Variants in PARK7 observed in about 807,000 individuals in gnomAD.
PARK7 encodes Parkinson disease protein 7.
Under a neutral mutation model 20.5 loss-of-function variants are expected in PARK7, and 14 were observed. The observed-to-expected ratio is 0.68, with a 90% CI of 0.45 to 1.07. The LOEUF (loss-of-function observed/expected upper bound fraction) is 1.07. PARK7 is among the 50% of genes least tolerant of loss of function. The probability of loss-of-function intolerance (pLI) is 0.00; values close to 1 mark genes in which losing one functional copy is unlikely to be tolerated. For synonymous variants in PARK7, 98 were observed against 84.3 expected, an observed-to-expected ratio of 1.16 and a Z score of -0.89; for missense variants, 234 against 238.1, an observed-to-expected ratio of 0.98 and a Z score of 0.11.
At chr1:7,977,016 G>C (rs576467355) in intron 5 of PARK7, among the ~76,000 whole-genome samples, 1 of 152,152 alleles carries the variant, frequency 6.6e-6, no homozygotes. Flanking sequence ...CACCGTGCCC[G>C]GCCTAATTTC....
chr1:7,980,028 G>A (rs1433971160), intron 6 of PARK7, among the ~76,000 whole-genome samples: 1 of 151,948 alleles, frequency 6.6e-6, no homozygotes, highest in African/African-American at 2.4e-5. Flanking sequence ...GGGCGTGGTG[G>A]CGGGCACCTG....
intron 6 of PARK7, among the ~76,000 whole-genome samples, chr1:7,977,985 CTTTTTTTTTTTTTTT>C (rs34231723): frequency 7.5e-5 from 4 of 53,578 alleles, no homozygotes; most frequent in East Asian, 1.7e-3. Flanking sequence ...GTCTCAAACT[CTTTTTTTTTTTTTTT>C]TTTTTTTTTT....
At chr1:7,966,134 G>T (rs528736799) in intron 3 of PARK7, among the ~76,000 whole-genome samples, 1 of 151,954 alleles carries the variant, frequency 6.6e-6, no homozygotes, top group East Asian at 1.9e-4. Context: ...TGCACACTCC[G>T]TCGTGCGGTC....
chr1:7,978,384 T>C (rs1270635355), intron 6 of PARK7, among the ~76,000 whole-genome samples: 2 of 117,128 alleles, frequency 1.7e-5, no homozygotes, highest in African/African-American at 7.3e-5. Context: ...CCCATATGCC[T>C]GTGTGTGGTT....
chr1:7,965,424 A>G lies in PARK7; in HGVS notation c.191A>G (p.Glu64Gly). ...PDASLEDAKK[E>G]GPYDVVVLPG... is the part of the protein sequence containing the mutation. ...GCCAGCCTTGAAGATGCAAAAAAAG[A>G]GGTTTGTAATCCATACATGGAGTTA... The change falls in exon 3 of 7, where the codon GAG becomes GGG. Residue 64 changes from glutamate to glycine, a missense_variant and splice_region_variant. Physicochemically the swap from Glu to Gly is moderately conservative, Grantham distance 98 (BLOSUM62 -2). Transcript: ENST00000338639. 1 of 1,613,756 alleles carries G rather than the reference A, an allele frequency of 6.2e-7. No individual in the cohort carries two copies. Among genetic ancestry groups the G allele is most frequent in the Middle Eastern group, 1.7e-4 (1 of 6,060 alleles).
At position 7,962,264 on chromosome 1, in the gene PARK7, C is replaced by A. The variant is rs573172298; in HGVS notation, c.-24+471C>A. On this transcript the variant is annotated intron_variant, in intron 1 of 6. Transcript: ENST00000338639. Reference sequence around the variant, plus strand: ...TCAGACATTTAACACTGTTGACCCCCACACACAATTTTTTAGTACAGTTAT... The same window carrying A: ...TCAGACATTTAACACTGTTGACCCCAACACACAATTTTTTAGTACAGTTAT... 1.4e-3 allele frequency among the ~76,000 whole-genome samples: 206 copies of A among 152,220 alleles called. 7 individuals are homozygous for A. The South Asian group carries it at 0.041, about 31-fold the overall frequency.
chr1:7,963,860 A>G (rs900171553), intron 2 of PARK7, among the ~76,000 whole-genome samples: 30 of 149,062 alleles, frequency 2.0e-4, no homozygotes, highest in African/African-American at 6.5e-4. Context: ...TCTGTCACCC[A>G]GGCTGGAGTG....
At chr1:7,966,605 A>T (rs1207362237) in intron 3 of PARK7, among the ~76,000 whole-genome samples, 1 of 152,078 alleles carries the variant, frequency 6.6e-6, no homozygotes, top group Admixed American at 6.6e-5. Flanking sequence ...GGCTGAGGCA[A>T]GAGGATCACT....
chr1:7,973,924 AATC>A lies in PARK7; in HGVS notation c.322+2963_322+2965del, dbSNP rs1194214273. Among the ~76,000 whole-genome samples the A allele has an allele frequency of 4.5e-3, 626 of 138,122 alleles. 36 individuals are homozygous for A. In the East Asian group the frequency reaches 0.23, roughly 51 times the overall value. The allele number at this position is 138,122 out of a possible 152,430, so 90.6% of individuals were successfully genotyped here. ...CTTCGTTTCAAAAAAAAAAAAAAAAAATCAACCACATTTGGCTTACTGTTTTGT... is the reference window on the plus strand; with the variant it reads ...CTTCGTTTCAAAAAAAAAAAAAAAAAAACCACATTTGGCTTACTGTTTTGT... On this transcript the variant is annotated intron_variant, in intron 5 of 6. Coordinates refer to ENST00000338639, the MANE Select transcript of PARK7 (RefSeq NM_007262.5).
intron 2 of PARK7, among the ~76,000 whole-genome samples, chr1:7,963,360 G>A (rs1640251894): frequency 1.3e-5 from 2 of 150,624 alleles, no homozygotes; most frequent in South Asian, 4.2e-4. Flanking sequence ...CCACTGCACT[G>A]TCCTTAGACC....
At chr1:7,977,376 A>G (rs1284978401) in intron 5 of PARK7, among the ~76,000 whole-genome samples, 1 of 152,022 alleles carries the variant, frequency 6.6e-6, no homozygotes, top group Non-Finnish European at 1.5e-5. Context: ...TATCTCTCAT[A>G]CTAGGAAGTG....
chr1:7,973,519 G>T (rs1349603015), intron 5 of PARK7, among the ~76,000 whole-genome samples: 1 of 152,164 alleles, frequency 6.6e-6, no homozygotes, highest in African/African-American at 2.4e-5. Flanking sequence ...TTCGAAACCA[G>T]CCTGGCCACC....
intron 6 of PARK7, among the ~76,000 whole-genome samples, chr1:7,978,798 G>C (rs964861562): frequency 8.9e-5 from 13 of 145,748 alleles, no homozygotes; most frequent in Non-Finnish European, 1.6e-4. Flanking sequence ...GGTGAGCTGT[G>C]ATCTCGCCAC....
chr1:7,972,270 C>T (rs1406634166), intron 5 of PARK7, among the ~76,000 whole-genome samples: 1 of 152,022 alleles, frequency 6.6e-6, no homozygotes, highest in Non-Finnish European at 1.5e-5. Context: ...TGAGACTAAC[C>T]TTGGCAACAT....
chr1:7,980,881 T>G (rs906497820), intron 6 of PARK7, among the ~76,000 whole-genome samples: 1 of 152,082 alleles, frequency 6.6e-6, no homozygotes, highest in Non-Finnish European at 1.5e-5. Flanking sequence ...TTTCTTATCT[T>G]TTTTTTGATA....
chr1:7,975,126 T>TTACAGGCG (rs1640551312), intron 5 of PARK7, among the ~76,000 whole-genome samples: 1 of 152,120 alleles, frequency 6.6e-6, no homozygotes, highest in East Asian at 1.9e-4. Context: ...AGTGCTAGGA[T>TTACAGGCG]TACAGGCGTG....
Position 7,985,216 on chromosome 1 carries a change from G to T in PARK7, c.*162G>T. The T allele has an allele frequency of 1.0e-6, 1 of 958,132 alleles. No individual in the cohort carries two copies. The highest frequency in any genetic ancestry group is 1.6e-6 in the Non-Finnish European group (1 of 629,144). The allele number at this position is 958,132 out of a possible 1,614,324, so 59.4% of individuals were successfully genotyped here. On this transcript the variant is annotated 3_prime_UTR_variant, in exon 7 of 7. Coordinates refer to ENST00000338639, the MANE Select transcript of PARK7 (RefSeq NM_007262.5). ...GTCACAACTACACAGAGATTTCTCAGCCTACAAATTGTGTCTATACATTTC... is the reference window on the plus strand; with the variant it reads ...GTCACAACTACACAGAGATTTCTCATCCTACAAATTGTGTCTATACATTTC...
chr1:7,985,336 C>A lies in PARK7; in HGVS notation c.*282C>A. ...TCTTTTGTGAAATTAAATTCCGTAT[C>A]ACCTTCATTTGCAGCTCTTAACTGT... On this transcript the variant is annotated 3_prime_UTR_variant, in exon 7 of 7. Coordinates refer to ENST00000338639, the MANE Select transcript of PARK7 (RefSeq NM_007262.5). The A allele has an allele frequency of 2.3e-6, 1 of 431,910 alleles. No homozygotes were observed. Among genetic ancestry groups the A allele is most frequent in the Non-Finnish European group, 4.3e-6 (1 of 231,518 alleles). 26.8% of individuals were successfully genotyped at this position (431,910 alleles called of 1,614,324 possible). A position where few individuals can be genotyped will look rare whatever the true frequency, so the allele number is the denominator to read the frequency against.
At chr1:7,982,265 G>A (rs1640728099) in intron 6 of PARK7, among the ~76,000 whole-genome samples, 1 of 151,780 alleles carries the variant, frequency 6.6e-6, no homozygotes, top group Non-Finnish European at 1.5e-5. Context: ...GGAATTACCG[G>A]CATGAGCCAC....
Sources: allele counts gnomAD v4.1 joint callset (sites outside exome capture counted in the v4.1 genomes callset), GRCh38; gene constraint gnomAD v4.1.1; transcripts MANE v1.5; gene names NCBI Gene and HGNC (gene_info 2026-07-23, HGNC 2026-07-21).